The following TRMT1L variants were observed in gnomAD, a reference collection of about 807,000 sequenced individuals.
TRMT1L encodes tRNA (guanine(27)-N(2))-dimethyltransferase.
TRMT1L carries 28 observed loss-of-function variants against 81.6 expected under a neutral mutation model. The ratio of observed to expected loss-of-function variants is 0.34; its 90% CI spans 0.25 to 0.47. TRMT1L has a LOEUF of 0.47. TRMT1L is among the 20% of genes least tolerant of loss of function. The pLI is 1.00. For synonymous variants in TRMT1L, 301 were observed against 303.2 expected, an observed-to-expected ratio of 0.99 and a Z score of 0.07; for missense variants, 739 against 877.1, an observed-to-expected ratio of 0.84 and a Z score of 1.99.
chr1:185,149,603 C>T (rs751295731), intron 3 of TRMT1L, among the ~76,000 whole-genome samples: 7 of 151,886 alleles, frequency 4.6e-5, no homozygotes, highest in Non-Finnish European at 1.0e-4. Flanking sequence ...TGTGTCCAAC[C>T]TCAATTCTTT....
At position 185,118,222 on chromosome 1, in the gene TRMT1L, G is replaced by T. The variant is rs563127739; in HGVS notation, c.*1797C>A. On this transcript the variant is annotated 3_prime_UTR_variant, in exon 15 of 15. Coordinates refer to ENST00000367506, the MANE Select transcript of TRMT1L (RefSeq NM_030934.5). ...AATAAGATTGCTCAGGTTGCTAAAA[G>T]GAATTTTTAAAGTATTTCCTCTTTT... 6.6e-6 allele frequency: 1 copy of T among 152,250 alleles called. No homozygotes were observed. The highest frequency in any genetic ancestry group is 2.1e-4 in the South Asian group (1 of 4,832). The allele number at this position is 152,250 out of a possible 1,614,324, so 9.4% of individuals were successfully genotyped here.
At chr1:185,133,716 G>A (rs752150601) in intron 10 of TRMT1L, among the ~76,000 whole-genome samples, 68 of 151,514 alleles carry the variant, frequency 4.5e-4, no homozygotes, top group Non-Finnish European at 7.7e-4. Flanking sequence ...TCCTGCCTCA[G>A]CCTCCCAAGT....
intron 1 of TRMT1L, among the ~76,000 whole-genome samples, chr1:185,155,130 A>G (rs544160202): frequency 6.6e-6 from 1 of 152,358 alleles, no homozygotes; most frequent in South Asian, 2.1e-4. Flanking sequence ...TTTCCCATAT[A>G]GTATACCTTC....
chr1:185,150,688 C>CA (rs1272745609), intron 2 of TRMT1L, among the ~76,000 whole-genome samples, 196 bp from the exon 3 acceptor site: 1 of 150,692 alleles, frequency 6.6e-6, no homozygotes, highest in Non-Finnish European at 1.5e-5. Context: ...ATTGTTTTTT[C>CA]ACCCTAAAAT....
chr1:185,128,873 C>T, intron 10 of TRMT1L, 126 bp from the exon 11 acceptor site: 1 of 796,084 alleles, frequency 1.3e-6, no homozygotes, highest in Non-Finnish European at 2.0e-6. Context: ...AGGTATTATG[C>T]TAAGTATTTT....
chr1:185,143,738 C>T (rs914645765), intron 6 of TRMT1L, among the ~76,000 whole-genome samples, 168 bp downstream of exon 6: 11 of 151,978 alleles, frequency 7.2e-5, no homozygotes, highest in African/African-American at 2.2e-4. Context: ...ATAAAGACAT[C>T]GGCTTGTTAG....
At chr1:185,138,991 T>C (rs1250210355) in intron 9 of TRMT1L, among the ~76,000 whole-genome samples, 1 of 152,206 alleles carries the variant, frequency 6.6e-6, no homozygotes, top group Non-Finnish European at 1.5e-5. Flanking sequence ...TTTCACCATG[T>C]TGGCCAGGAG....
intron 1 of TRMT1L, among the ~76,000 whole-genome samples, chr1:185,154,952 A>G (rs1653455164): frequency 6.6e-6 from 1 of 152,186 alleles, no homozygotes; most frequent in African/African-American, 2.4e-5. Flanking sequence ...TCAATTTTCA[A>G]TTCTATTTCA....
chr1:185,128,596 A>G (rs1571344336), intron 11 of TRMT1L, 73 bp downstream of exon 11: 3 of 1,384,368 alleles, frequency 2.2e-6, no homozygotes, highest in South Asian at 1.2e-5. Context: ...TTTACCACAC[A>G]TAATAAAAAT....
In TRMT1L at chr1:185,119,654, GA is replaced by G. The variant is rs1652447993; in HGVS notation, c.*364del. The G allele has an allele frequency of 1.8e-5, 3 of 168,912 alleles. No homozygotes were observed. The highest frequency in any genetic ancestry group is 7.2e-5 in the African/African-American group (3 of 41,954). The allele number at this position is 168,912 out of a possible 1,614,324, so 10.5% of individuals were successfully genotyped here. A position where few individuals can be genotyped will look rare whatever the true frequency, so the allele number is the denominator to read the frequency against. ...ACAAACAGGAAAACATAAACATCAT[GA>G]ATCAGTTTAGGCAGAGATGTGATTA... is the stretch of plus-strand genomic sequence containing the variant. On this transcript the variant is annotated 3_prime_UTR_variant, in exon 15 of 15. Coordinates refer to ENST00000367506, the MANE Select transcript of TRMT1L (RefSeq NM_030934.5).
intron 7 of TRMT1L, among the ~76,000 whole-genome samples, chr1:185,142,340 T>C (rs1028194968): frequency 1.3e-5 from 2 of 152,164 alleles, no homozygotes; most frequent in African/African-American, 2.4e-5. Context: ...ACCACTACTT[T>C]TCCCTGAGGA....
intron 1 of TRMT1L, among the ~76,000 whole-genome samples, chr1:185,152,633 T>C (rs1218286847): frequency 6.6e-6 from 1 of 151,772 alleles, no homozygotes; most frequent in Non-Finnish European, 1.5e-5. Flanking sequence ...ACAGAGAAAA[T>C]TAGCAATGGG....
intron 10 of TRMT1L, among the ~76,000 whole-genome samples, chr1:185,130,920 T>C (rs1360822965): frequency 1.3e-5 from 2 of 152,188 alleles, no homozygotes; most frequent in African/African-American, 2.4e-5. Context: ...GATCTATGTA[T>C]ACTTGTTGAC....
chr1:185,120,252 A>G lies in TRMT1L; in HGVS notation c.1969T>C (p.Tyr657His). The change falls in exon 15 of 15, where the codon TAT becomes CAT. Residue 657 changes from tyrosine to histidine, a missense_variant. Coordinates refer to ENST00000367506, the MANE Select transcript of TRMT1L (RefSeq NM_030934.5). ...ACTCGAAAGCCTGCTTGAGATAAAT[A>G]GCACAAAAACTTTTTTAACCTGCAA... The part of the protein sequence containing the change: ...NMPKLKKFLC[Y>H]LSQAGFRVSR... 2 of 1,571,792 alleles carry G rather than the reference A, an allele frequency of 1.3e-6. No individual in the cohort carries two copies. The highest frequency in any genetic ancestry group is 1.7e-6 in the Non-Finnish European group (2 of 1,157,272).
At chr1:185,150,685 T>C (rs763868599) in intron 2 of TRMT1L, among the ~76,000 whole-genome samples, 193 bp from the exon 3 acceptor site, 55 of 151,124 alleles carry the variant, frequency 3.6e-4, no homozygotes, top group Non-Finnish European at 6.9e-4. Flanking sequence ...GTGATTGTTT[T>C]TTCACCCTAA....
intron 9 of TRMT1L, 39 bp downstream of exon 9, chr1:185,139,328 T>C (rs1208531): frequency 0.022 from 33,135 of 1,528,610 alleles, 467 homozygotes; most frequent in Non-Finnish European, 0.025. Flanking sequence ...TTTTATCAAA[T>C]ACTGAAACAC....
chr1:185,134,667 C>G (rs1652853488), intron 10 of TRMT1L, among the ~76,000 whole-genome samples: 1 of 152,162 alleles, frequency 6.6e-6, no homozygotes, highest in Non-Finnish European at 1.5e-5. Flanking sequence ...TGATTAATGT[C>G]ACATACATAA....
chr1:185,124,766 C>T (rs1163038010), intron 12 of TRMT1L, 178 bp downstream of exon 12: 1 of 470,960 alleles, frequency 2.1e-6, no homozygotes, highest in East Asian at 3.7e-5. Flanking sequence ...GATTACAAGC[C>T]TGAATAAAAC....
intron 13 of TRMT1L, among the ~76,000 whole-genome samples, chr1:185,121,849 G>C (rs1571340731): frequency 6.6e-6 from 1 of 151,680 alleles, no homozygotes; most frequent in Non-Finnish European, 1.5e-5. Flanking sequence ...GGTATATTGT[G>C]TAATGCTGGG....
Sources: gnomAD v4.1 joint callset for allele counts (sites outside exome capture counted in the v4.1 genomes callset) on GRCh38, gnomAD v4.1.1 for gene constraint, MANE v1.5 for transcripts, NCBI Gene and HGNC (gene_info 2026-07-23, HGNC 2026-07-21) for gene names.